Variants in RAPGEF4 observed in about 807,000 individuals in gnomAD.
The protein encoded by RAPGEF4 is Rap guanine nucleotide exchange factor 4.
In RAPGEF4, 66 loss-of-function variants were observed where a neutral mutation model predicts 147.9. The ratio of observed to expected loss-of-function variants is 0.45; its 90% confidence interval spans 0.37 to 0.55. RAPGEF4 has a LOEUF of 0.55. Among genes scored for constraint, RAPGEF4 ranks in the 20% least tolerant of loss-of-function variants. The probability of loss-of-function intolerance (pLI) is 0.00; values close to 1 mark genes in which losing one functional copy is unlikely to be tolerated. For missense variants in RAPGEF4, 1,071 were observed against 1,257.3 expected, an observed-to-expected ratio of 0.85 and a Z score of 2.24; for synonymous variants, 419 against 442.7, an observed-to-expected ratio of 0.95 and a Z score of 0.67.
intron 17 of RAPGEF4, 64 bp downstream of exon 17, chr2:173,001,408 A>G (rs1693908297): frequency 3.1e-6 from 5 of 1,593,814 alleles, no homozygotes; most frequent in East Asian, 4.5e-5. Context: ...ATCGAGGGCC[A>G]TTCTTATCTC....
chr2:172,889,755 A>G, intron 4 of RAPGEF4: 1 of 859,200 alleles, frequency 1.2e-6, no homozygotes, highest in South Asian at 5.3e-5. Flanking sequence ...TCAATCAGCA[A>G]GGAAAATTTT....
At chr2:172,824,459 G>A (rs1343695886) in intron 4 of RAPGEF4, among the ~76,000 whole-genome samples, 1 of 152,202 alleles carries the variant, frequency 6.6e-6, no homozygotes, top group Admixed American at 6.5e-5. Context: ...ATTGAATAAT[G>A]TTTGTTCCTT....
chr2:172,801,716 G>C (rs1189779216), intron 3 of RAPGEF4, among the ~76,000 whole-genome samples: 1 of 152,150 alleles, frequency 6.6e-6, no homozygotes, highest in Non-Finnish European at 1.5e-5. Flanking sequence ...TGCCCATTGT[G>C]GTTGTATAGG....
At chr2:173,014,732 A>G (rs1025450627) in intron 18 of RAPGEF4, 118 bp downstream of exon 18, 80 of 969,806 alleles carry the variant, frequency 8.2e-5, no homozygotes, top group South Asian at 5.7e-4. Context: ...CTTTGTGAAC[A>G]CATTCATTCA....
chr2:172,944,323 G>T (rs1687466203), intron 6 of RAPGEF4, among the ~76,000 whole-genome samples: 1 of 152,204 alleles, frequency 6.6e-6, no homozygotes, highest in African/African-American at 2.4e-5. Context: ...GAAGAGATTT[G>T]CTTTAAAATG....
intron 1 of RAPGEF4, among the ~76,000 whole-genome samples, chr2:172,765,478 A>G (rs1298076880): frequency 2.0e-5 from 3 of 152,178 alleles, no homozygotes; most frequent in Non-Finnish European, 4.4e-5. Flanking sequence ...ATCTATCCCA[A>G]GAGAGAAAGA....
chr2:172,805,517 A>G (rs1243268219), intron 3 of RAPGEF4, among the ~76,000 whole-genome samples: 1 of 152,068 alleles, frequency 6.6e-6, no homozygotes, highest in Non-Finnish European at 1.5e-5. Flanking sequence ...CTTCTCAGAC[A>G]CCCTTCCTGC....
intron 23 of RAPGEF4, among the ~76,000 whole-genome samples, chr2:173,025,723 G>A (rs555642513): frequency 1.1e-4 from 17 of 152,344 alleles, no homozygotes; most frequent in South Asian, 2.1e-4. Flanking sequence ...GATTACAGGC[G>A]TGAGCCACTG....
chr2:173,032,283 C>G (rs2105983345), intron 26 of RAPGEF4, among the ~76,000 whole-genome samples: 1 of 152,304 alleles, frequency 6.6e-6, no homozygotes, highest in East Asian at 1.9e-4. Flanking sequence ...ATGCCCCACC[C>G]CGGCTGTGAC....
At chr2:172,824,971 A>G (rs907350349) in intron 4 of RAPGEF4, among the ~76,000 whole-genome samples, 1 of 152,254 alleles carries the variant, frequency 6.6e-6, no homozygotes, top group African/African-American at 2.4e-5. Context: ...ATGACTCTTG[A>G]TAAATATGAT....
chr2:172,899,940 C>T (rs992956035), intron 4 of RAPGEF4, among the ~76,000 whole-genome samples: 3 of 152,168 alleles, frequency 2.0e-5, no homozygotes, highest in Non-Finnish European at 4.4e-5. Context: ...GATTAGGGAA[C>T]GCTGTGGCTT....
At chr2:172,779,971 G>T (rs1409235806) in intron 1 of RAPGEF4, among the ~76,000 whole-genome samples, 1 of 151,990 alleles carries the variant, frequency 6.6e-6, no homozygotes, top group African/African-American at 2.4e-5. Flanking sequence ...TTCAATTTTT[G>T]GTCCAACTTC....
intron 4 of RAPGEF4, among the ~76,000 whole-genome samples, chr2:172,824,670 A>C (rs1488522555): frequency 5.9e-5 from 9 of 152,204 alleles, no homozygotes; most frequent in Admixed American, 5.9e-4. Context: ...ATAAGGTGCA[A>C]GATCATCCCC....
chr2:172,834,258 A>T (rs1474483976), intron 4 of RAPGEF4, among the ~76,000 whole-genome samples: 1 of 152,194 alleles, frequency 6.6e-6, no homozygotes, highest in Non-Finnish European at 1.5e-5. Context: ...AAGTAATTCC[A>T]CTTTTGTGCC....
rs752461202 is a variant in RAPGEF4 at position 173,026,590 on chromosome 2, G to A, written c.2272G>A (p.Glu758Lys). The A allele has an allele frequency of 1.2e-6, 2 of 1,613,660 alleles. No individual in the cohort carries two copies. The highest frequency in any genetic ancestry group is 3.3e-5 in the Admixed American group (2 of 59,980). The change falls in exon 24 of 31, where the codon GAA becomes AAA. Residue 758 changes from glutamate to lysine, a missense_variant. Coordinates refer to ENST00000397081, the MANE Select transcript of RAPGEF4 (RefSeq NM_007023.4). Reference protein sequence around the residue: ...FDSLTPLPEQEGPTVGTVGTF... With the variant: ...FDSLTPLPEQKGPTVGTVGTF... ...TTCATAGACTCCCTTACCAGAACAG[G>A]AAGGCCCAACTGTTGGAACAGTGGG...
chr2:172,989,307 A>G (rs761867631), intron 14 of RAPGEF4, among the ~76,000 whole-genome samples: 1 of 150,902 alleles, frequency 6.6e-6, no homozygotes, highest in African/African-American at 2.4e-5. Flanking sequence ...ATCATCATAC[A>G]TTCCCTTGAT....
chr2:172,819,461 C>CTTTGTT (rs1688832571), intron 4 of RAPGEF4, among the ~76,000 whole-genome samples: 1 of 87,008 alleles, frequency 1.1e-5, no homozygotes, highest in Non-Finnish European at 2.1e-5. Context: ...ATTTTTAGTT[C>CTTTGTT]TTTTTTTTTT....
At chr2:173,004,413 G>GT in intron 17 of RAPGEF4, among the ~76,000 whole-genome samples, 1 of 151,794 alleles carries the variant, frequency 6.6e-6, no homozygotes, top group Non-Finnish European at 1.5e-5. Context: ...TTTTCCTTTA[G>GT]TCTTCAAAAG....
intron 17 of RAPGEF4, among the ~76,000 whole-genome samples, chr2:173,012,118 G>T (rs940687673): frequency 2.0e-5 from 3 of 152,184 alleles, no homozygotes; most frequent in Non-Finnish European, 4.4e-5. Context: ...AATTAAATTT[G>T]CTCATTTTTC....
Sources: gnomAD v4.1 joint callset for allele counts (sites outside exome capture counted in the v4.1 genomes callset) on GRCh38, gnomAD v4.1.1 for gene constraint, MANE v1.5 for transcripts, NCBI Gene and HGNC (gene_info 2026-07-23, HGNC 2026-07-21) for gene names.